The following NRG2 variants were observed in gnomAD, a reference collection of about 807,000 sequenced individuals.
The protein encoded by NRG2 is pro-neuregulin-2, membrane-bound isoform.
A neutral mutation model predicts 73.9 loss-of-function variants in NRG2; 27 were observed. The observed-to-expected ratio is 0.37, with a 90% CI of 0.27 to 0.50. NRG2 has a LOEUF of 0.50. NRG2 is among the 20% of genes least tolerant of loss of function. NRG2 has a pLI of 0.96. For synonymous variants in NRG2, 532 were observed against 541.0 expected (o/e 0.98, Z 0.23); for missense variants, 1,126 against 1,210.1 (o/e 0.93, Z 1.03).
intron 1 of NRG2, among the ~76,000 whole-genome samples, chr5:139,957,294 C>G (rs947416191): frequency 1.3e-5 from 2 of 149,288 alleles, no homozygotes; most frequent in African/African-American, 5.0e-5. Flanking sequence ...ACCATCCCCC[C>G]ACTCAAGAAT....
chr5:139,862,379 C>A (rs1210185854), intron 5 of NRG2, among the ~76,000 whole-genome samples: 1 of 152,182 alleles, frequency 6.6e-6, no homozygotes, highest in African/African-American at 2.4e-5. Flanking sequence ...ACATGAGGGG[C>A]CTATGGCTGT....
chr5:139,873,329 C>G (rs573708353), intron 3 of NRG2, among the ~76,000 whole-genome samples: 1 of 152,172 alleles, frequency 6.6e-6, no homozygotes, highest in Non-Finnish European at 1.5e-5. Flanking sequence ...TCCTGCTGAT[C>G]TTTGCCCCAC....
chr5:139,967,854 G>A (rs924135300), intron 1 of NRG2, among the ~76,000 whole-genome samples: 10 of 152,178 alleles, frequency 6.6e-5, no homozygotes, highest in Middle Eastern at 3.4e-3. Flanking sequence ...AGCTACTCAG[G>A]AGGCTGAGGC....
chr5:139,956,846 C>T (rs981357623), intron 1 of NRG2, among the ~76,000 whole-genome samples: 4 of 152,162 alleles, frequency 2.6e-5, no homozygotes, highest in African/African-American at 9.7e-5. Context: ...AAGCAGCTGC[C>T]CTCAACCCCT....
At chr5:139,946,584 TA>T (rs1935405344) in intron 1 of NRG2, among the ~76,000 whole-genome samples, 1 of 144,036 alleles carries the variant, frequency 6.9e-6, no homozygotes, top group Non-Finnish European at 1.5e-5. Context: ...ATATGACACT[TA>T]AAGTATGAAC....
At chr5:139,977,076 G>A (rs779338138) in intron 1 of NRG2, among the ~76,000 whole-genome samples, 5 of 152,068 alleles carry the variant, frequency 3.3e-5, no homozygotes, top group African/African-American at 1.2e-4. Flanking sequence ...GGAATAGTGA[G>A]GAAATCTGAA....
chr5:139,875,853 G>T (rs1763144394), intron 3 of NRG2, among the ~76,000 whole-genome samples: 1 of 152,206 alleles, frequency 6.6e-6, no homozygotes, highest in African/African-American at 2.4e-5. Flanking sequence ...TGGTGGTGAG[G>T]ATGTGGAGAA....
intron 1 of NRG2, chr5:140,019,484 T>A (rs1019106503): frequency 6.6e-6 from 1 of 152,264 alleles, no homozygotes; most frequent in African/African-American, 2.4e-5. Context: ...CTAGAAAGCA[T>A]GGGTTCAGGC....
chr5:139,927,819 A>G (rs1211133006), intron 1 of NRG2, among the ~76,000 whole-genome samples: 1 of 150,866 alleles, frequency 6.6e-6, no homozygotes, highest in African/African-American at 2.4e-5. Flanking sequence ...ACAAGTTTTG[A>G]GCACTCTCTG....
At chr5:139,896,597 C>T (rs1336601776) in intron 1 of NRG2, among the ~76,000 whole-genome samples, 1 of 152,140 alleles carries the variant, frequency 6.6e-6, no homozygotes, top group Non-Finnish European at 1.5e-5. Flanking sequence ...ATATAACATG[C>T]GGAAAACCAG....
intron 5 of NRG2, among the ~76,000 whole-genome samples, chr5:139,857,301 A>G (rs530147690): frequency 9.9e-5 from 15 of 152,202 alleles, no homozygotes; most frequent in Non-Finnish European, 1.9e-4. Flanking sequence ...TCAGACTCAG[A>G]CTTTGTATAC....
intron 6 of NRG2, among the ~76,000 whole-genome samples, chr5:139,854,775 G>T (rs1761705506): frequency 6.6e-6 from 1 of 152,144 alleles, no homozygotes; most frequent in South Asian, 2.1e-4. Context: ...TCATCTTTCA[G>T]CACATCAGAA....
At chr5:139,932,834 A>C (rs980563508) in intron 1 of NRG2, among the ~76,000 whole-genome samples, 1 of 152,180 alleles carries the variant, frequency 6.6e-6, no homozygotes, top group African/African-American at 2.4e-5. Context: ...TGAAGTAAAC[A>C]GACATATTGG....
At chr5:139,889,194 C>A (rs1396671525) in intron 1 of NRG2, among the ~76,000 whole-genome samples, 2 of 151,894 alleles carry the variant, frequency 1.3e-5, no homozygotes, top group Admixed American at 6.6e-5. Flanking sequence ...TAAGTGGGGG[C>A]CTTGAAACCT....
At chr5:139,872,241 G>A (rs58703784) in intron 3 of NRG2, among the ~76,000 whole-genome samples, 2,466 of 152,282 alleles carry the variant, frequency 0.016, 61 homozygotes, top group African/African-American at 0.056. Context: ...GGGAACAAAC[G>A]CAGGAGGCGG....
rs1353274801 is a variant in NRG2, at chr5:139,848,207, G to C, written c.2263C>G (p.Arg755Gly). 3.1e-6 allele frequency: 4 copies of C among 1,290,644 alleles called. No homozygotes were observed. The East Asian group carries it at 1.0e-4, about 32-fold the overall frequency. 79.9% of individuals were successfully genotyped at this position (1,290,644 alleles called of 1,614,324 possible). A position where few individuals can be genotyped will look rare whatever the true frequency, so the allele number is the denominator to read the frequency against. ...AGCGAGTCCCTCGCCGCCCGTGCGCGCTGCGCCGCCAGCCCGTTGAGGCGC... is the reference window on the plus strand; with the variant it reads ...AGCGAGTCCCTCGCCGCCCGTGCGCCCTGCGCCGCCAGCCCGTTGAGGCGC... ...RSRLNGLAAQ[R>G]ARAARDSLSL... Residue 755 changes from arginine (R) to glycine (G), a missense_variant, in exon 10 of 10, where the codon CGC (arginine) becomes GGC (glycine). Transcript: ENST00000361474.
chr5:139,885,291 C>G (rs1763791578), intron 2 of NRG2, among the ~76,000 whole-genome samples: 2 of 152,190 alleles, frequency 1.3e-5, no homozygotes, highest in Admixed American at 1.3e-4. Context: ...GAGACAGTGT[C>G]CAGACTCACA....
At chr5:139,871,247 C>T (rs1156305851) in intron 4 of NRG2, 2 of 163,552 alleles carry the variant, frequency 1.2e-5, no homozygotes, top group East Asian at 1.8e-4. Context: ...GGCTCTGGAA[C>T]CTGTGCTCTG....
At chr5:139,858,052 A>T (rs1761914534) in intron 5 of NRG2, among the ~76,000 whole-genome samples, 1 of 152,134 alleles carries the variant, frequency 6.6e-6, no homozygotes, top group Non-Finnish European at 1.5e-5. Context: ...TTTATTTACA[A>T]CCATAAAGCA....
Sources: gnomAD v4.1 joint callset for allele counts (sites outside exome capture counted in the v4.1 genomes callset) on GRCh38, gnomAD v4.1.1 for gene constraint, MANE v1.5 for transcripts, NCBI Gene and HGNC (gene_info 2026-07-23, HGNC 2026-07-21) for gene names.